RABGAP1L: variants seen among roughly 807,000 people sequenced by gnomAD.
The protein encoded by RABGAP1L is rab GTPase-activating protein 1-like.
A neutral mutation model predicts 137.7 loss-of-function variants in RABGAP1L; 63 were observed. The observed-to-expected ratio is 0.46, with a 90% CI of 0.37 to 0.56. The LOEUF is 0.56. Ranked by LOEUF, RABGAP1L falls within the 20% of genes least tolerant of loss-of-function variation. RABGAP1L has a pLI of 0.00. For missense variants in RABGAP1L, 1,095 were observed against 1,244.0 expected, an observed-to-expected ratio of 0.88 and a Z score of 1.80; for synonymous variants, 431 against 433.7, an observed-to-expected ratio of 0.99 and a Z score of 0.08.
At chr1:174,477,244 A>G (rs1490946526) in intron 13 of RABGAP1L, among the ~76,000 whole-genome samples, 1 of 152,236 alleles carries the variant, frequency 6.6e-6, no homozygotes, top group Non-Finnish European at 1.5e-5. Context: ...CAGCCAGACA[A>G]CTAAAGTATG....
At chr1:174,605,435 C>T (rs1670714505) in intron 13 of RABGAP1L, among the ~76,000 whole-genome samples, 1 of 152,164 alleles carries the variant, frequency 6.6e-6, no homozygotes, top group South Asian at 2.1e-4. Flanking sequence ...TTTGCTTTTA[C>T]TGGACCACTT....
intron 13 of RABGAP1L, among the ~76,000 whole-genome samples, chr1:174,603,445 C>T (rs72715255): frequency 0.21 from 31,854 of 151,932 alleles, 3,684 homozygotes; most frequent in Admixed American, 0.25. Flanking sequence ...AATCCGGAGG[C>T]GACCACTGCC....
In RABGAP1L at chr1:174,802,996, A is replaced by G. The variant is rs535593669; in HGVS notation, c.2212-8836A>G. ...TCTTTACCTTTTTAGTCATGTTTCA[A>G]ACATGAATGCTTGTGGGTTAAGCAC... On this transcript the variant is annotated intron_variant, in intron 18 of 25. Transcript: ENST00000681986. 3.7e-4 allele frequency among the ~76,000 whole-genome samples: 57 copies of G among 152,364 alleles called. 1 individual carries two copies. The highest frequency in any genetic ancestry group is 3.9e-4 in the Admixed American group (6 of 15,296).
chr1:174,529,082 A>G (rs1312775237), intron 13 of RABGAP1L, among the ~76,000 whole-genome samples: 1 of 148,980 alleles, frequency 6.7e-6, no homozygotes, highest in Non-Finnish European at 1.5e-5. Flanking sequence ...GAATTCTCTT[A>G]TATCTCCCTG....
Position 174,279,047 on chromosome 1 carries a change from T to A in RABGAP1L, c.1323+268T>A, listed in dbSNP as rs531159746. On this transcript the variant is annotated intron_variant, in intron 10 of 25. Coordinates refer to ENST00000681986, the MANE Select transcript of RABGAP1L (RefSeq NM_001366446.1). Reference sequence around the variant, plus strand: ...TCTTAACAGAAATATTGACTGCATATAAAACAACGTTTCTGCCTTTTATAA... The same window carrying A: ...TCTTAACAGAAATATTGACTGCATAAAAAACAACGTTTCTGCCTTTTATAA... 5.9e-5 allele frequency among the ~76,000 whole-genome samples: 9 copies of A among 152,312 alleles called. No individual in the cohort carries two copies. In the South Asian group the frequency reaches 1.0e-3, roughly 18 times the overall value.
chr1:174,770,279 G>A (rs1400389414), intron 18 of RABGAP1L, among the ~76,000 whole-genome samples: 1 of 152,052 alleles, frequency 6.6e-6, no homozygotes, highest in East Asian at 1.9e-4. Flanking sequence ...TCTAGTAAAT[G>A]CTAAAACAAA....
intron 13 of RABGAP1L, among the ~76,000 whole-genome samples, chr1:174,527,439 T>C (rs1040016781): frequency 9.2e-5 from 14 of 152,070 alleles, no homozygotes; most frequent in Non-Finnish European, 2.9e-5. Context: ...ACTCCTGACC[T>C]CAGGTGATCC....
At chr1:174,179,702 C>G (rs1381162841) in intron 1 of RABGAP1L, among the ~76,000 whole-genome samples, 2 of 152,092 alleles carry the variant, frequency 1.3e-5, no homozygotes, top group African/African-American at 4.8e-5. Flanking sequence ...ATCACATTAG[C>G]ACAGTGAAAA....
intron 14 of RABGAP1L, among the ~76,000 whole-genome samples, chr1:174,678,467 A>C (rs1677804534): frequency 6.6e-6 from 1 of 151,840 alleles, no homozygotes; most frequent in South Asian, 2.1e-4. Context: ...CCACAAAACA[A>C]AACAAAAAAA....
intron 13 of RABGAP1L, among the ~76,000 whole-genome samples, chr1:174,419,779 G>A (rs1276395883): frequency 6.6e-6 from 1 of 152,086 alleles, no homozygotes; most frequent in African/African-American, 2.4e-5. Context: ...TCTGACATTT[G>A]TCTTTTATTT....
chr1:174,868,055 G>A lies in RABGAP1L; in HGVS notation c.2340+56095G>A, dbSNP rs1322818004. ...ATCTCTGCTCACCGCAGCCTCCGCC[G>A]CCTGGGGTTAAGCCTCAGCCTCCCG... On this transcript the variant is annotated intron_variant, in intron 19 of 25. Coordinates refer to ENST00000681986, the MANE Select transcript of RABGAP1L (RefSeq NM_001366446.1). Among the ~76,000 whole-genome samples, 3 of 151,844 alleles carry A rather than the reference G, an allele frequency of 2.0e-5. No individual in the cohort carries two copies. In the East Asian group the frequency reaches 5.8e-4, roughly 29 times the overall value.
At chr1:174,571,308 G>T (rs1667963403) in intron 13 of RABGAP1L, among the ~76,000 whole-genome samples, 1 of 151,866 alleles carries the variant, frequency 6.6e-6, no homozygotes, top group Admixed American at 6.6e-5. Flanking sequence ...AGGGGAGGAG[G>T]GATGGGCAAA....
intron 17 of RABGAP1L, among the ~76,000 whole-genome samples, chr1:174,746,897 T>G (rs1463497549): frequency 6.6e-6 from 1 of 152,198 alleles, no homozygotes; most frequent in Non-Finnish European, 1.5e-5. Flanking sequence ...CAGTAGATGT[T>G]GGTTATTATT....
chr1:174,832,989 C>T (rs909648555), intron 19 of RABGAP1L, among the ~76,000 whole-genome samples: 7 of 152,036 alleles, frequency 4.6e-5, no homozygotes, highest in Non-Finnish European at 8.8e-5. Flanking sequence ...GAAAACAGGC[C>T]TAGAATGTGT....
At chr1:174,628,125 C>T (rs564318594) in intron 13 of RABGAP1L, among the ~76,000 whole-genome samples, 9 of 152,074 alleles carry the variant, frequency 5.9e-5, no homozygotes, top group African/African-American at 1.9e-4. Context: ...AAGCTGGGGC[C>T]AGAGTGTGTA....
At chr1:174,782,935 C>T (rs558810435) in intron 18 of RABGAP1L, among the ~76,000 whole-genome samples, 32 of 152,294 alleles carry the variant, frequency 2.1e-4, no homozygotes, top group African/African-American at 7.0e-4. Context: ...CCAGGCATTC[C>T]GGAGCTGGGA....
chr1:174,241,374 A>G (rs1671810631), intron 4 of RABGAP1L, 109 bp from the exon 5 acceptor site: 5 of 673,994 alleles, frequency 7.4e-6, no homozygotes, highest in Non-Finnish European at 9.3e-6. Flanking sequence ...ATATATTGTC[A>G]TAGTAAAACT....
At chr1:174,530,562 T>A (rs1039774854) in intron 13 of RABGAP1L, among the ~76,000 whole-genome samples, 2 of 152,150 alleles carry the variant, frequency 1.3e-5, no homozygotes, top group Non-Finnish European at 2.9e-5. Flanking sequence ...CTACTGAGGA[T>A]CTTTCAATTA....
chr1:174,564,813 C>A (rs1667460410), intron 13 of RABGAP1L, among the ~76,000 whole-genome samples: 1 of 152,042 alleles, frequency 6.6e-6, no homozygotes, highest in South Asian at 2.1e-4. Context: ...TCTCTAGATC[C>A]TATGGATAGG....
Sources: allele counts gnomAD v4.1 joint callset (sites outside exome capture counted in the v4.1 genomes callset), GRCh38; gene constraint gnomAD v4.1.1; transcripts MANE v1.5; gene names NCBI Gene and HGNC (gene_info 2026-07-23, HGNC 2026-07-21).